RBFOX1: variants seen among roughly 807,000 people sequenced by gnomAD.
RBFOX1 encodes RNA binding fox-1 homolog 1.
Under a neutral mutation model 57.7 loss-of-function variants are expected in RBFOX1, and 8 were observed. That is an observed-to-expected ratio of 0.14 (90% CI 0.08 to 0.25). The LOEUF is 0.25. Ranked by LOEUF, RBFOX1 falls within the 10% of genes least tolerant of loss-of-function variation. RBFOX1 has a pLI of 1.00. For missense variants in RBFOX1, 611 were observed against 548.5 expected, an observed-to-expected ratio of 1.11 and a Z score of -1.14; for synonymous variants, 326 against 222.4, an observed-to-expected ratio of 1.47 and a Z score of -4.15.
chr16:7,454,302 C>T (rs77848034), intron 4 of RBFOX1, among the ~76,000 whole-genome samples: 2,233 of 152,282 alleles, frequency 0.015, 58 homozygotes, highest in African/African-American at 0.05. Flanking sequence ...GGAAGATGCC[C>T]AGGATCGGTA....
chr16:5,709,977 G>A (rs1314652603), intron 3 of RBFOX1, among the ~76,000 whole-genome samples: 1 of 148,308 alleles, frequency 6.7e-6, no homozygotes, highest in Non-Finnish European at 1.5e-5. Flanking sequence ...TCCCAAAGGT[G>A]TTGGGTCTCT....
chr16:7,513,102 A>C (rs12930827), intron 4 of RBFOX1, among the ~76,000 whole-genome samples: 52,222 of 151,906 alleles, frequency 0.34, 11,493 homozygotes, highest in Non-Finnish European at 0.5. Context: ...TCTCTACTAA[A>C]AATACAAAAA....
At chr16:6,835,856 C>T (rs893579324) in intron 3 of RBFOX1, among the ~76,000 whole-genome samples, 2 of 151,918 alleles carry the variant, frequency 1.3e-5, no homozygotes, top group Admixed American at 6.6e-5. Flanking sequence ...ATACAGGGAC[C>T]CAGGCTCCTT....
intron 2 of RBFOX1, among the ~76,000 whole-genome samples, chr16:5,596,645 G>A (rs1251033844): frequency 1.6e-4 from 24 of 152,204 alleles, no homozygotes; most frequent in Non-Finnish European, 1.5e-5. Flanking sequence ...TCACTGGGTT[G>A]AAATCTGCTA....
intron 4 of RBFOX1, among the ~76,000 whole-genome samples, chr16:7,114,439 C>T (rs971536868): frequency 2.0e-5 from 3 of 152,056 alleles, no homozygotes; most frequent in Non-Finnish European, 4.4e-5. Context: ...AGAAATGTAC[C>T]GTGCAGTCTG....
intron 1 of RBFOX1, among the ~76,000 whole-genome samples, chr16:5,331,685 C>T (rs1353692299): frequency 6.6e-6 from 1 of 152,252 alleles, no homozygotes; most frequent in African/African-American, 2.4e-5. Context: ...TACAAAGTCA[C>T]ATGGCCAGAG....
chr16:6,417,161 G>C (rs917489284), intron 2 of RBFOX1, among the ~76,000 whole-genome samples: 4 of 151,572 alleles, frequency 2.6e-5, no homozygotes, highest in African/African-American at 9.7e-5. Flanking sequence ...ACAGGTGTGC[G>C]CCACCATGCC....
intron 1 of RBFOX1, among the ~76,000 whole-genome samples, chr16:6,215,869 C>T (rs1020278705): frequency 1.3e-5 from 2 of 152,156 alleles, no homozygotes; most frequent in African/African-American, 4.8e-5. Context: ...CAACTCGCCA[C>T]ATGCCCACTG....
At chr16:7,551,488 G>A (rs530666796) in intron 5 of RBFOX1, among the ~76,000 whole-genome samples, 1 of 152,206 alleles carries the variant, frequency 6.6e-6, no homozygotes, top group African/African-American at 2.4e-5. Context: ...TGGAGAGACA[G>A]TAGTGATCCA....
intron 4 of RBFOX1, among the ~76,000 whole-genome samples, chr16:7,084,118 C>A (rs779465504): frequency 1.3e-5 from 2 of 152,104 alleles, no homozygotes; most frequent in Non-Finnish European, 2.9e-5. Flanking sequence ...GTGGGACAGA[C>A]CTGGTATAAT....
At chr16:7,242,044 C>T (rs2094092233) in intron 4 of RBFOX1, among the ~76,000 whole-genome samples, 1 of 152,058 alleles carries the variant, frequency 6.6e-6, no homozygotes, top group East Asian at 1.9e-4. Context: ...CCACTAGATG[C>T]TATTACCATA....
At chr16:7,418,112 C>CT (rs1441554553) in intron 4 of RBFOX1, among the ~76,000 whole-genome samples, 9 of 152,190 alleles carry the variant, frequency 5.9e-5, no homozygotes, top group African/African-American at 1.9e-4. Flanking sequence ...AACCTCACCT[C>CT]TCCCCCACGG....
intron 3 of RBFOX1, among the ~76,000 whole-genome samples, chr16:5,853,488 C>G (rs967310005): frequency 6.6e-6 from 1 of 152,220 alleles, no homozygotes; most frequent in African/African-American, 2.4e-5. Context: ...GCCAGGTAAT[C>G]TAATCGCTGG....
intron 1 of RBFOX1, among the ~76,000 whole-genome samples, chr16:6,127,283 T>TA (rs1171772980): frequency 1.1e-4 from 17 of 149,952 alleles, no homozygotes; most frequent in African/African-American, 4.0e-4. Flanking sequence ...CTCTCTTTTT[T>TA]TAAAAAAAAA....
At chr16:6,417,310 G>A (rs576898793) in intron 2 of RBFOX1, among the ~76,000 whole-genome samples, 3 of 149,778 alleles carry the variant, frequency 2.0e-5, no homozygotes, top group African/African-American at 7.3e-5. Context: ...ATGCCCGGCT[G>A]AATTTTCACC....
chr16:7,288,957 T>G (rs1028050687), intron 4 of RBFOX1, among the ~76,000 whole-genome samples: 1 of 152,154 alleles, frequency 6.6e-6, no homozygotes, highest in Non-Finnish European at 1.5e-5. Flanking sequence ...AGGCAGGGGT[T>G]GGAGAAAAGA....
chr16:6,222,837 G>C (rs1269120272), intron 1 of RBFOX1, among the ~76,000 whole-genome samples: 1 of 151,876 alleles, frequency 6.6e-6, no homozygotes, highest in Non-Finnish European at 1.5e-5. Context: ...ATCTCCTAAT[G>C]CTATCCTTCC....
At chr16:5,571,010 G>C (rs983622957) in intron 2 of RBFOX1, among the ~76,000 whole-genome samples, 4 of 151,868 alleles carry the variant, frequency 2.6e-5, no homozygotes, top group Non-Finnish European at 4.4e-5. Context: ...ATAATATTCA[G>C]CTCTCATATA....
chr16:7,377,958 G>T (rs2097714667), intron 4 of RBFOX1, among the ~76,000 whole-genome samples: 1 of 150,392 alleles, frequency 6.6e-6, no homozygotes, highest in East Asian at 1.9e-4. Flanking sequence ...AAAGAAGACA[G>T]CCAGGGAGGT....
Sources: gnomAD v4.1 joint callset for allele counts (sites outside exome capture counted in the v4.1 genomes callset) on GRCh38, gnomAD v4.1.1 for gene constraint, MANE v1.5 for transcripts, NCBI Gene and HGNC (gene_info 2026-07-23, HGNC 2026-07-21) for gene names.